The following TTC28 variants were observed in gnomAD, a reference collection of about 807,000 sequenced individuals.
TTC28 encodes tetratricopeptide repeat protein 28.
In TTC28, 61 loss-of-function variants were observed where a neutral mutation model predicts 198.0. That is an observed-to-expected ratio of 0.31 (90% CI 0.25 to 0.38). The LOEUF (loss-of-function observed/expected upper bound fraction) is 0.38, where lower values mean the gene tolerates loss of function less well. Ranked by LOEUF, TTC28 falls within the 10% of genes least tolerant of loss-of-function variation. The pLI is 1.00. For synonymous variants in TTC28, 1,171 were observed against 1,297.8 expected, an observed-to-expected ratio of 0.90 and a Z score of 2.10; for missense variants, 2,678 against 3,164.0, an observed-to-expected ratio of 0.85 and a Z score of 3.69.
chr22:28,461,906 T>C (rs1460189524), intron 2 of TTC28, among the ~76,000 whole-genome samples: 1 of 152,184 alleles, frequency 6.6e-6, no homozygotes, highest in Non-Finnish European at 1.5e-5. Flanking sequence ...ATTCTGGAAT[T>C]CCTTCCCTTC....
At chr22:28,673,124 C>CA (rs2051916270) in intron 1 of TTC28, among the ~76,000 whole-genome samples, 1 of 152,170 alleles carries the variant, frequency 6.6e-6, no homozygotes, top group Non-Finnish European at 1.5e-5. Flanking sequence ...CCTGTAATCC[C>CA]AGCACTTTGG....
At chr22:28,109,611 G>A (rs753202557) in intron 6 of TTC28, among the ~76,000 whole-genome samples, 3 of 152,196 alleles carry the variant, frequency 2.0e-5, no homozygotes, top group East Asian at 1.9e-4. Context: ...AAAAAAGTGA[G>A]TTATATCATA....
chr22:28,139,870 CA>C (rs2146985272), intron 6 of TTC28, among the ~76,000 whole-genome samples: 2 of 152,282 alleles, frequency 1.3e-5, no homozygotes, highest in Middle Eastern at 3.4e-3. Context: ...GGGCCTGAGT[CA>C]AATCTCCTCT....
intron 5 of TTC28, among the ~76,000 whole-genome samples, chr22:28,234,757 G>A (rs1035982394): frequency 1.3e-5 from 2 of 152,094 alleles, no homozygotes; most frequent in Non-Finnish European, 2.9e-5. Flanking sequence ...TGAAATAAGG[G>A]TGTGAGTAAA....
Position 28,671,264 on chromosome 22 carries a change from T to C in TTC28, c.102+8358A>G, listed in dbSNP as rs547791082. The stretch of plus-strand genomic sequence containing the variant: ...CCGGCCTGTTTATTTTTAAATTCGG[T>C]TGTCCTTTTATCATTGCATAGTAAG... On this transcript the variant is annotated intron_variant, in intron 1 of 22. Coordinates refer to ENST00000397906, the MANE Select transcript of TTC28 (RefSeq NM_001145418.2). Among the ~76,000 whole-genome samples the C allele has an allele frequency of 2.9e-3, 434 of 152,216 alleles. 1 individual carries two copies. The highest frequency in any genetic ancestry group is 2.3e-3 in the Non-Finnish European group (153 of 67,994).
At chr22:27,994,036 T>C (rs895183788) in intron 17 of TTC28, among the ~76,000 whole-genome samples, 1 of 152,192 alleles carries the variant, frequency 6.6e-6, no homozygotes, top group African/African-American at 2.4e-5. Context: ...AGTGCCCTCA[T>C]GTCATCCAGG....
At chr22:28,264,821 A>T (rs1931571732) in intron 5 of TTC28, among the ~76,000 whole-genome samples, 1 of 152,122 alleles carries the variant, frequency 6.6e-6, no homozygotes, top group Non-Finnish European at 1.5e-5. Context: ...TACACTGAAG[A>T]CTGCGATATG....
At chr22:28,478,173 T>C (rs891659710) in intron 2 of TTC28, among the ~76,000 whole-genome samples, 1 of 152,200 alleles carries the variant, frequency 6.6e-6, no homozygotes, top group African/African-American at 2.4e-5. Flanking sequence ...TAAAGAACCA[T>C]TGTTGATTCT....
intron 2 of TTC28, among the ~76,000 whole-genome samples, chr22:28,575,380 A>G (rs925602174): frequency 1.3e-5 from 2 of 151,912 alleles, no homozygotes; most frequent in East Asian, 1.9e-4. Flanking sequence ...CCATTGGTCT[A>G]TGTGTTTGTT....
At chr22:28,266,032 T>C (rs193290448) in intron 5 of TTC28, among the ~76,000 whole-genome samples, 102 of 152,082 alleles carry the variant, frequency 6.7e-4, no homozygotes, top group African/African-American at 2.3e-3. Flanking sequence ...ATACAAAAAT[T>C]AGCCGGGTTT....
chr22:28,201,650 CA>C (rs778495132), intron 5 of TTC28, among the ~76,000 whole-genome samples: 10 of 149,124 alleles, frequency 6.7e-5, no homozygotes, highest in Non-Finnish European at 1.3e-4. Context: ...ATGGCAGCAA[CA>C]GCCAGGGGAG....
At position 27,989,924 on chromosome 22, in the gene TTC28, G is replaced by A; in HGVS notation, c.5661C>T (p.Val1887=). 1 of 1,551,438 alleles carries A rather than the reference G, an allele frequency of 6.4e-7. No individual in the cohort carries two copies. The highest frequency in any genetic ancestry group is 8.7e-7 in the Non-Finnish European group (1 of 1,146,932). Residue 1887 remains valine, a synonymous_variant, in exon 21 of 23, where the codon GTC becomes GTT. Coordinates refer to ENST00000397906, the MANE Select transcript of TTC28 (RefSeq NM_001145418.2). The part of the protein sequence containing the change: ...ASAPIQVSIS[V]QLWRLPGCHE... ...GGCATCCCGGGAGCCGCCACAGCTG[G>A]ACGCTGATGGAGACCTGAATGGGAG...
chr22:28,231,965 G>A (rs1462712620), intron 5 of TTC28, among the ~76,000 whole-genome samples: 1 of 152,208 alleles, frequency 6.6e-6, no homozygotes, highest in African/African-American at 2.4e-5. Context: ...TCATAATTGA[G>A]AAAGTATCCA....
At chr22:28,207,251 A>AG (rs1926502351) in intron 5 of TTC28, among the ~76,000 whole-genome samples, 1 of 151,756 alleles carries the variant, frequency 6.6e-6, no homozygotes, top group Non-Finnish European at 1.5e-5. Context: ...ACAAAAAAAA[A>AG]CAGGCCTTCA....
chr22:28,407,354 T>C (rs1365029452), intron 2 of TTC28, among the ~76,000 whole-genome samples: 1 of 152,148 alleles, frequency 6.6e-6, no homozygotes, highest in Non-Finnish European at 1.5e-5. Flanking sequence ...CTGACGTTTC[T>C]CCAAGGCTCT....
chr22:28,638,025 A>T (rs536476309), intron 1 of TTC28, among the ~76,000 whole-genome samples: 1 of 152,334 alleles, frequency 6.6e-6, no homozygotes, highest in South Asian at 2.1e-4. Flanking sequence ...ATACATATAC[A>T]CCCAAAATCA....
chr22:28,224,295 C>T (rs758521771), intron 5 of TTC28, among the ~76,000 whole-genome samples: 2 of 152,134 alleles, frequency 1.3e-5, no homozygotes, highest in Non-Finnish European at 2.9e-5. Flanking sequence ...CATCCCTCAC[C>T]AACTCCCAGG....
intron 6 of TTC28, among the ~76,000 whole-genome samples, chr22:28,130,021 C>T (rs537012298): frequency 2.0e-5 from 3 of 152,298 alleles, no homozygotes; most frequent in Non-Finnish European, 1.5e-5. Flanking sequence ...ATTTCCTTAA[C>T]ATGGTTTTGG....
intron 2 of TTC28, among the ~76,000 whole-genome samples, chr22:28,402,593 C>T (rs749618910): frequency 7.9e-5 from 12 of 152,094 alleles, no homozygotes; most frequent in Admixed American, 2.0e-4. Flanking sequence ...TTTAAAGTAT[C>T]CAAGTATAGA....
Sources: gnomAD v4.1 joint callset for allele counts (sites outside exome capture counted in the v4.1 genomes callset) on GRCh38, gnomAD v4.1.1 for gene constraint, MANE v1.5 for transcripts, NCBI Gene and HGNC (gene_info 2026-07-23, HGNC 2026-07-21) for gene names.